Variants in LAMA3 observed in about 807,000 individuals in gnomAD.
LAMA3 encodes laminin subunit alpha 3.
A neutral mutation model predicts 402.0 loss-of-function variants in LAMA3; 281 were observed. That is an observed-to-expected ratio of 0.70 (90% confidence interval 0.63 to 0.77). The LOEUF is 0.77. Ranked by LOEUF, LAMA3 falls within the 30% of genes least tolerant of loss-of-function variation. The pLI is 0.00. For synonymous variants in LAMA3, 1,431 were observed against 1,558.4 expected, an observed-to-expected ratio of 0.92 and a Z score of 1.93; for missense variants, 3,840 against 4,215.5, an observed-to-expected ratio of 0.91 and a Z score of 2.47.
At chr18:23,693,226 C>T (rs192705835) in intron 1 of LAMA3, among the ~76,000 whole-genome samples, 22 of 152,244 alleles carry the variant, frequency 1.4e-4, no homozygotes, top group East Asian at 1.2e-3. Context: ...TGCCTGTAAT[C>T]CCAGCTACTC....
intron 17 of LAMA3, among the ~76,000 whole-genome samples, chr18:23,816,013 C>A (rs904395593): frequency 5.3e-5 from 8 of 152,284 alleles, no homozygotes; most frequent in Middle Eastern, 3.4e-3. Flanking sequence ...TTCTTTAGAA[C>A]AGCACTGTTT....
chr18:23,926,561 G>C (rs1261021424), intron 62 of LAMA3, among the ~76,000 whole-genome samples: 9 of 152,162 alleles, frequency 5.9e-5, no homozygotes, highest in Admixed American at 5.9e-4. Flanking sequence ...GTCTATTACA[G>C]GTAGCTCAAC....
chr18:23,883,313 T>G (rs1568295335), intron 40 of LAMA3, among the ~76,000 whole-genome samples: 1 of 152,218 alleles, frequency 6.6e-6, no homozygotes, highest in Non-Finnish European at 1.5e-5. Context: ...TCCACCACTG[T>G]GTTTTCAAGG....
At chr18:23,723,483 T>C (rs1324723330) in intron 2 of LAMA3, among the ~76,000 whole-genome samples, 1 of 151,048 alleles carries the variant, frequency 6.6e-6, no homozygotes, top group Non-Finnish European at 1.5e-5. Flanking sequence ...CTGTATGGAA[T>C]GATCACATTT....
intron 23 of LAMA3, among the ~76,000 whole-genome samples, chr18:23,830,580 C>A (rs1317369370): frequency 6.6e-6 from 1 of 152,196 alleles, no homozygotes; most frequent in African/African-American, 2.4e-5. Flanking sequence ...TCCCTGAATT[C>A]TCAAACTCTC....
At chr18:23,921,393 C>T in intron 61 of LAMA3, 59 bp from the exon 62 acceptor site, 1 of 1,577,222 alleles carries the variant, frequency 6.3e-7, no homozygotes, top group South Asian at 1.1e-5. Flanking sequence ...TTCTGAACCC[C>T]TGTGAATAGG....
chr18:23,823,944 G>T (rs1056112723), intron 20 of LAMA3, among the ~76,000 whole-genome samples: 1 of 152,158 alleles, frequency 6.6e-6, no homozygotes, highest in Non-Finnish European at 1.5e-5. Context: ...AGGCTGAAGT[G>T]GGAGGATTGC....
At chr18:23,748,518 G>T (rs2061691575) in intron 3 of LAMA3, among the ~76,000 whole-genome samples, 1 of 151,964 alleles carries the variant, frequency 6.6e-6, no homozygotes, top group Non-Finnish European at 1.5e-5. Context: ...ACATTGACTG[G>T]GCGCGGTGGC....
At chr18:23,908,257 G>T (rs369166994) in intron 54 of LAMA3, among the ~76,000 whole-genome samples, 4 of 151,962 alleles carry the variant, frequency 2.6e-5, no homozygotes, top group Non-Finnish European at 5.9e-5. Flanking sequence ...TTTTCTGTGC[G>T]CTGTGGCTCA....
In LAMA3 at chr18:23,885,213, A is replaced by G. The variant is rs192128027; in HGVS notation, c.5303+360A>G. 1.1e-3 allele frequency among the ~76,000 whole-genome samples: 163 copies of G among 143,882 alleles called. 1 individual carries two copies. The highest frequency in any genetic ancestry group is 4.1e-3 in the African/African-American group (157 of 38,204). The allele number at this position is 143,882 out of a possible 152,430, so 94.4% of individuals were successfully genotyped here. A position where few individuals can be genotyped will look rare whatever the true frequency, so the allele number is the denominator to read the frequency against. Reference sequence around the variant, plus strand: ...CCCCCTATTTCGACATGTCCCTTCCACATATCTCCACATACACCTGCCCTC... The same window carrying G: ...CCCCCTATTTCGACATGTCCCTTCCGCATATCTCCACATACACCTGCCCTC... On this transcript the variant is annotated intron_variant, in intron 41 of 74. Coordinates refer to ENST00000313654, the MANE Select transcript of LAMA3 (RefSeq NM_198129.4).
chr18:23,695,800 A>G, intron 1 of LAMA3, among the ~76,000 whole-genome samples: 1 of 31,758 alleles, frequency 3.1e-5, no homozygotes. Flanking sequence ...CCATCTCAAA[A>G]AAAAAAAAAA....
intron 24 of LAMA3, among the ~76,000 whole-genome samples, chr18:23,835,199 A>G (rs1296124058): frequency 6.6e-6 from 1 of 152,038 alleles, no homozygotes; most frequent in Non-Finnish European, 1.5e-5. Flanking sequence ...CTCCATACCC[A>G]TTTGTCCACG....
At position 23,954,766 on chromosome 18, in the gene LAMA3, G is replaced by A. The variant is rs1301027290; in HGVS notation, c.*118G>A. The A allele has an allele frequency of 9.0e-7, 1 of 1,108,800 alleles. No individual in the cohort carries two copies. The highest frequency in any genetic ancestry group is 1.4e-6 in the Non-Finnish European group (1 of 730,868). 68.7% of individuals were successfully genotyped at this position (1,108,800 alleles called of 1,614,324 possible). A position where few individuals can be genotyped will look rare whatever the true frequency, so the allele number is the denominator to read the frequency against. ...GGACACAAACCAGACAGGTTTAATAGCGAATCTAATTTTGAATTCTGACCA... is the reference window on the plus strand; with the variant it reads ...GGACACAAACCAGACAGGTTTAATAACGAATCTAATTTTGAATTCTGACCA... On this transcript the variant is annotated 3_prime_UTR_variant, in exon 75 of 75. Coordinates refer to ENST00000313654, the MANE Select transcript of LAMA3 (RefSeq NM_198129.4).
chr18:23,729,994 GC>G (rs1298469174), intron 2 of LAMA3, among the ~76,000 whole-genome samples: 1 of 152,212 alleles, frequency 6.6e-6, no homozygotes, highest in Non-Finnish European at 1.5e-5. Context: ...GTTCATCACT[GC>G]CCACTGTGTT....
chr18:23,766,425 A>G (rs2062076040), intron 8 of LAMA3, among the ~76,000 whole-genome samples: 1 of 152,258 alleles, frequency 6.6e-6, no homozygotes, highest in Non-Finnish European at 1.5e-5. Context: ...CCTACACTAC[A>G]AGATATGCTA....
chr18:23,736,544 A>AT (rs1283956961), intron 2 of LAMA3, among the ~76,000 whole-genome samples: 1 of 151,934 alleles, frequency 6.6e-6, no homozygotes, highest in Non-Finnish European at 1.5e-5. Context: ...CTTAAATTGC[A>AT]TTTTTTCCAA....
At chr18:23,897,297 T>C (rs2080907249) in intron 44 of LAMA3, among the ~76,000 whole-genome samples, 2 of 152,224 alleles carry the variant, frequency 1.3e-5, no homozygotes, top group Non-Finnish European at 2.9e-5. Flanking sequence ...TGAGTATATA[T>C]AGCAAAAGAT....
In LAMA3 at chr18:23,912,700, AC is replaced by A. The variant is rs779216497; in HGVS notation, c.7159-10del. 6 of 1,612,342 alleles carry A rather than the reference AC, an allele frequency of 3.7e-6. No homozygotes were observed. Among genetic ancestry groups the A allele is most frequent in the East Asian group, 2.2e-5 (1 of 44,858 alleles). On this transcript the variant is annotated splice_polypyrimidine_tract_variant and intron_variant, in intron 55 of 74. Transcript: ENST00000313654. ...GACAGTGTTTGACACCATGTAACTT[AC>A]TCCTCACAGGTTGCTGTCCCCATGA...
Position 23,898,603 on chromosome 18 carries a change from A to G in LAMA3, c.5614-135A>G, listed in dbSNP as rs2080958235. On this transcript the variant is annotated intron_variant, in intron 44 of 74. Coordinates refer to ENST00000313654, the MANE Select transcript of LAMA3 (RefSeq NM_198129.4). ...TAGATTCCTTATGTAACCTATTTCC[A>G]AGAACCACATTTGTGTGTGTGTGGA... The G allele has an allele frequency of 2.4e-5, 17 of 701,506 alleles. No individual in the cohort carries two copies. The East Asian group carries it at 4.4e-4, about 18-fold the overall frequency. The allele number at this position is 701,506 out of a possible 1,614,324, so 43.5% of individuals were successfully genotyped here. A position where few individuals can be genotyped will look rare whatever the true frequency, so the allele number is the denominator to read the frequency against.
Sources: allele counts gnomAD v4.1 joint callset (sites outside exome capture counted in the v4.1 genomes callset), GRCh38; gene constraint gnomAD v4.1.1; transcripts MANE v1.5; gene names NCBI Gene and HGNC (gene_info 2026-07-23, HGNC 2026-07-21).